CSMD1: variants seen among roughly 807,000 people sequenced by gnomAD.
CSMD1 encodes the protein CUB and Sushi multiple domains 1.
A neutral mutation model predicts 417.5 loss-of-function variants in CSMD1; 213 were observed. The observed-to-expected ratio is 0.51, with a 90% CI of 0.46 to 0.57. The LOEUF is 0.57. CSMD1 is among the 20% of genes least tolerant of loss of function. CSMD1 has a pLI of 0.00. For synonymous variants in CSMD1, 2,862 were observed against 1,736.8 expected (o/e 1.65, Z -16.11); for missense variants, 6,923 against 4,529.7 (o/e 1.53, Z -15.17).
chr8:4,332,968 T>G (rs1448500761), intron 3 of CSMD1, among the ~76,000 whole-genome samples: 3 of 150,538 alleles, frequency 2.0e-5, no homozygotes, highest in African/African-American at 7.4e-5. Flanking sequence ...CTAAGATTTC[T>G]GCCTTCAGTT....
At chr8:3,269,596 C>A (rs562078503) in intron 26 of CSMD1, among the ~76,000 whole-genome samples, 1 of 152,280 alleles carries the variant, frequency 6.6e-6, no homozygotes, top group East Asian at 1.9e-4. Context: ...CTCGCAAAAC[C>A]TGAGAATGAA....
chr8:3,589,216 G>A (rs749524397), intron 8 of CSMD1, among the ~76,000 whole-genome samples: 1 of 152,096 alleles, frequency 6.6e-6, no homozygotes, highest in Non-Finnish European at 1.5e-5. Context: ...ACTACTACAT[G>A]ATCTAGAATT....
intron 6 of CSMD1, among the ~76,000 whole-genome samples, chr8:3,720,696 G>A (rs1283237562): frequency 6.6e-6 from 1 of 151,270 alleles, no homozygotes; most frequent in Non-Finnish European, 1.5e-5. Context: ...AAGCTTAAAT[G>A]ATACCTAGTT....
chr8:4,784,400 A>C (rs1284498373), intron 1 of CSMD1, among the ~76,000 whole-genome samples: 1 of 152,196 alleles, frequency 6.6e-6, no homozygotes, highest in African/African-American at 2.4e-5. Context: ...AAGCAATTAC[A>C]AAGGGAAGAA....
chr8:4,140,396 C>G (rs749775429), intron 3 of CSMD1, among the ~76,000 whole-genome samples: 8 of 150,708 alleles, frequency 5.3e-5, no homozygotes, highest in Admixed American at 6.6e-5. Flanking sequence ...TACTTCGGAG[C>G]CTGAAGCAGG....
intron 2 of CSMD1, among the ~76,000 whole-genome samples, chr8:4,436,150 T>C (rs1798137561): frequency 6.6e-6 from 1 of 152,148 alleles, no homozygotes. Flanking sequence ...AAGTCATAGA[T>C]ATTGAGAGAG....
intron 26 of CSMD1, among the ~76,000 whole-genome samples, chr8:3,245,588 C>T (rs4875411): frequency 0.074 from 11,321 of 152,236 alleles, 570 homozygotes; most frequent in Admixed American, 0.13. Flanking sequence ...AAGGTAGCGC[C>T]CATGCCTACC....
chr8:4,799,826 G>GA (rs1798180485), intron 1 of CSMD1, among the ~76,000 whole-genome samples: 1 of 151,846 alleles, frequency 6.6e-6, no homozygotes, highest in African/African-American at 2.4e-5. Flanking sequence ...ATAAGTATTA[G>GA]AATGCTCTTT....
At chr8:3,134,444 C>A (rs138113856) in intron 41 of CSMD1, among the ~76,000 whole-genome samples, 9 of 152,226 alleles carry the variant, frequency 5.9e-5, no homozygotes, top group Middle Eastern at 3.4e-3. Context: ...AGGGTTTTGG[C>A]GAGGCTATTT....
chr8:3,148,998 G>A (rs888031132), intron 40 of CSMD1, among the ~76,000 whole-genome samples: 3 of 152,092 alleles, frequency 2.0e-5, no homozygotes, highest in African/African-American at 7.2e-5. Flanking sequence ...TCCTCTTCTA[G>A]ATCCTCTTTA....
At chr8:3,002,403 A>T (rs1465705578) in intron 52 of CSMD1, among the ~76,000 whole-genome samples, 1 of 152,238 alleles carries the variant, frequency 6.6e-6, no homozygotes, top group Non-Finnish European at 1.5e-5. Flanking sequence ...AGAGCCCATC[A>T]GCCCAGCACA....
At chr8:4,627,808 A>G (rs564850515) in intron 2 of CSMD1, among the ~76,000 whole-genome samples, 1 of 152,256 alleles carries the variant, frequency 6.6e-6, no homozygotes, top group South Asian at 2.1e-4. Flanking sequence ...TATGAATAGT[A>G]TAGGAATAGT....
intron 5 of CSMD1, among the ~76,000 whole-genome samples, chr8:3,885,663 C>T (rs1054045070): frequency 6.6e-6 from 1 of 152,098 alleles, no homozygotes; most frequent in African/African-American, 2.4e-5. Context: ...CCTCATTATT[C>T]TCTCCATCTT....
intron 1 of CSMD1, among the ~76,000 whole-genome samples, chr8:4,987,240 C>T (rs1301924191): frequency 6.6e-6 from 1 of 152,120 alleles, no homozygotes; most frequent in Non-Finnish European, 1.5e-5. Context: ...ATGGAATTTG[C>T]ATTGAATCAA....
At chr8:3,518,361 A>G (rs553246588) in intron 10 of CSMD1, among the ~76,000 whole-genome samples, 24 of 152,344 alleles carry the variant, frequency 1.6e-4, no homozygotes, top group Admixed American at 2.0e-4. Flanking sequence ...ACATCATATA[A>G]GAAACAACCA....
intron 10 of CSMD1, among the ~76,000 whole-genome samples, chr8:3,566,663 A>C (rs1799725171): frequency 6.6e-6 from 1 of 152,212 alleles, no homozygotes; most frequent in Admixed American, 6.5e-5. Flanking sequence ...TTCAGCTAAG[A>C]AGCATATTAA....
chr8:4,866,678 A>G (rs2116895332), intron 1 of CSMD1, among the ~76,000 whole-genome samples: 1 of 152,114 alleles, frequency 6.6e-6, no homozygotes, highest in Admixed American at 6.5e-5. Flanking sequence ...CCAGATTTAC[A>G]ATGAAATAAA....
At chr8:3,207,780 T>G (rs989935446) in intron 30 of CSMD1, among the ~76,000 whole-genome samples, 7 of 152,202 alleles carry the variant, frequency 4.6e-5, no homozygotes, top group African/African-American at 1.7e-4. Flanking sequence ...TCAGCCTTCA[T>G]GCTAGTGTCT....
intron 12 of CSMD1, among the ~76,000 whole-genome samples, chr8:3,428,003 G>A (rs1813965829): frequency 6.6e-6 from 1 of 152,176 alleles, no homozygotes; most frequent in Non-Finnish European, 1.5e-5. Context: ...TTAATTCCAT[G>A]AAGAACATAG....
Sources: gnomAD v4.1 joint callset for allele counts (sites outside exome capture counted in the v4.1 genomes callset) on GRCh38, gnomAD v4.1.1 for gene constraint, MANE v1.5 for transcripts, NCBI Gene and HGNC (gene_info 2026-07-23, HGNC 2026-07-21) for gene names.